Variants in AFF3 observed in about 807,000 individuals in gnomAD.
AFF3 encodes the protein AF4/FMR2 family member 3.
Under a neutral mutation model 129.7 loss-of-function variants are expected in AFF3, and 32 were observed. The observed-to-expected ratio is 0.25, with a 90% CI of 0.19 to 0.33. The LOEUF (loss-of-function observed/expected upper bound fraction) is 0.33. Ranked by LOEUF, AFF3 falls within the 10% of genes least tolerant of loss-of-function variation. AFF3 has a pLI of 1.00. For synonymous variants in AFF3, 644 were observed against 635.4 expected (o/e 1.01, Z -0.20); for missense variants, 1,373 against 1,592.0 (o/e 0.86, Z 2.34).
At position 99,546,928 on chromosome 2, in the gene AFF3, C is replaced by A. The variant is rs532695519; in HGVS notation, c.*4546G>T. On this transcript the variant is annotated 3_prime_UTR_variant, in exon 25 of 25. Transcript: ENST00000672756. ...GCTTCCTGTTGAGCCTTCACTGGGA[C>A]ACTGGGAGCGTGCATGTGCATACGT... 155 of 221,488 alleles carry A rather than the reference C, an allele frequency of 7.0e-4. No individual in the cohort carries two copies. The highest frequency in any genetic ancestry group is 3.7e-3 in the South Asian group (20 of 5,424). The allele number at this position is 221,488 out of a possible 1,614,324, so 13.7% of individuals were successfully genotyped here. A position where few individuals can be genotyped will look rare whatever the true frequency, so the allele number is the denominator to read the frequency against.
At chr2:99,727,395 G>A (rs1327079300) in intron 10 of AFF3, among the ~76,000 whole-genome samples, 1 of 152,152 alleles carries the variant, frequency 6.6e-6, no homozygotes, top group Non-Finnish European at 1.5e-5. Context: ...TTTGCCAGAA[G>A]ATGAATATCT....
At chr2:99,827,642 GAT>G (rs778161998) in intron 8 of AFF3, among the ~76,000 whole-genome samples, 109 of 148,034 alleles carry the variant, frequency 7.4e-4, no homozygotes, top group African/African-American at 1.4e-3. Flanking sequence ...TAGCACTGAA[GAT>G]ATATATATAT....
chr2:99,927,893 G>A (rs1242120219), intron 7 of AFF3, among the ~76,000 whole-genome samples: 2 of 152,108 alleles, frequency 1.3e-5, no homozygotes, highest in East Asian at 3.9e-4. Flanking sequence ...CCCACATGTG[G>A]TGGGAGGGAC....
intron 7 of AFF3, among the ~76,000 whole-genome samples, chr2:99,915,031 G>A (rs6727564): frequency 2.6e-5 from 4 of 152,124 alleles, no homozygotes; most frequent in Non-Finnish European, 5.9e-5. Flanking sequence ...GGCAGATCAG[G>A]CAGGGTAGGG....
intron 7 of AFF3, among the ~76,000 whole-genome samples, chr2:99,990,330 C>A (rs1680229764): frequency 6.6e-6 from 1 of 151,982 alleles, no homozygotes. Flanking sequence ...GGAATAAAAC[C>A]AAAAACCCAA....
chr2:99,546,806 G>C lies in AFF3; in HGVS notation c.*4668C>G. The C allele has an allele frequency of 4.7e-6, 1 of 214,624 alleles. No homozygotes were observed. The highest frequency in any genetic ancestry group is 2.3e-5 in the African/African-American group (1 of 44,324). 13.3% of individuals were successfully genotyped at this position (214,624 alleles called of 1,614,324 possible). A position where few individuals can be genotyped will look rare whatever the true frequency, so the allele number is the denominator to read the frequency against. On this transcript the variant is annotated 3_prime_UTR_variant, in exon 25 of 25. Coordinates refer to ENST00000672756, the MANE Select transcript of AFF3 (RefSeq NM_001386135.1). ...AGTTCCCTGACTGCACACAAGTCAG[G>C]GAACTAACTTGTGACACTAAAGAAT...
intron 14 of AFF3, among the ~76,000 whole-genome samples, chr2:99,597,398 T>A (rs1679397126): frequency 6.6e-6 from 1 of 152,260 alleles, no homozygotes; most frequent in Non-Finnish European, 1.5e-5. Flanking sequence ...TTGTTTCATG[T>A]GTATATATGT....
At chr2:99,948,179 C>T (rs1675817039) in intron 7 of AFF3, among the ~76,000 whole-genome samples, 2 of 152,202 alleles carry the variant, frequency 1.3e-5, no homozygotes, top group Admixed American at 1.3e-4. Context: ...AGGTCACCAT[C>T]TAGGGTGGGA....
chr2:99,744,531 C>A (rs946614219), intron 9 of AFF3, among the ~76,000 whole-genome samples: 3 of 152,174 alleles, frequency 2.0e-5, no homozygotes, highest in African/African-American at 7.2e-5. Flanking sequence ...TAAGCAGGGT[C>A]TCCCATACCC....
chr2:99,957,495 G>GT (rs1477671341), intron 7 of AFF3, among the ~76,000 whole-genome samples: 1 of 152,192 alleles, frequency 6.6e-6, no homozygotes, highest in East Asian at 1.9e-4. Flanking sequence ...GGGAGTCATT[G>GT]TATTTCTTTA....
chr2:99,595,915 CCCTTTGGGGCAGACTGGCACAG>C (rs1279772391), intron 14 of AFF3, among the ~76,000 whole-genome samples: 2 of 152,178 alleles, frequency 1.3e-5, no homozygotes, highest in African/African-American at 2.4e-5. Flanking sequence ...GGACCAACTG[CCCTTTGGGGCAGACTGGCACAG>C]GGTGTCTGGT....
intron 8 of AFF3, among the ~76,000 whole-genome samples, chr2:99,787,548 A>C (rs749448282): frequency 1.3e-5 from 2 of 152,328 alleles, no homozygotes; most frequent in African/African-American, 4.8e-5. Context: ...GACAGCATAC[A>C]TCTCTGTTTT....
intron 7 of AFF3, among the ~76,000 whole-genome samples, chr2:99,974,527 G>A (rs912848712): frequency 2.0e-5 from 3 of 152,162 alleles, no homozygotes; most frequent in Admixed American, 6.5e-5. Context: ...ATGAGTAATC[G>A]CTGCAGTGAT....
chr2:100,007,459 G>A lies in AFF3; in HGVS notation c.176C>T (p.Thr59Ile). ...SYSLFSEPYK[T>I]NKGDELSNRI... ...GTTGGAGAGTTCATCCCCCTTGTTAGTCTGGAGAAAGAAAAACACATCCAC... is the reference window on the plus strand; with the variant it reads ...GTTGGAGAGTTCATCCCCCTTGTTAATCTGGAGAAAGAAAAACACATCCAC... Residue 59 changes from threonine (T) to isoleucine (I), a missense_variant and splice_region_variant, in exon 6 of 25, where the codon ACT becomes ATT. Thr to Ile is a moderately conservative substitution (Grantham distance 89). Transcript: ENST00000672756. 6.2e-7 allele frequency: 1 copy of A among 1,609,668 alleles called. No homozygotes were observed. The highest frequency in any genetic ancestry group is 8.5e-7 in the Non-Finnish European group (1 of 1,177,566).
chr2:99,643,323 G>A (rs1166725211), intron 13 of AFF3, among the ~76,000 whole-genome samples: 1 of 152,134 alleles, frequency 6.6e-6, no homozygotes, highest in African/African-American at 2.4e-5. Flanking sequence ...CTCCCAAAGT[G>A]CTGGGATTAC....
At chr2:99,801,252 C>A (rs1685924195) in intron 8 of AFF3, among the ~76,000 whole-genome samples, 1 of 152,162 alleles carries the variant, frequency 6.6e-6, no homozygotes, top group Admixed American at 6.5e-5. Flanking sequence ...AGGTTTCTTT[C>A]ATCAACATCA....
chr2:99,799,739 A>G (rs1685797192), intron 8 of AFF3, among the ~76,000 whole-genome samples: 1 of 152,186 alleles, frequency 6.6e-6, no homozygotes, highest in Non-Finnish European at 1.5e-5. Flanking sequence ...TGACCAAGAC[A>G]GTGTGATACC....
intron 11 of AFF3, among the ~76,000 whole-genome samples, chr2:99,688,078 G>A (rs904384386): frequency 6.6e-6 from 1 of 152,074 alleles, no homozygotes; most frequent in Non-Finnish European, 1.5e-5. Context: ...TCCTGACCTC[G>A]TGATCCGCCC....
At chr2:99,652,127 A>C (rs1685316011) in intron 12 of AFF3, among the ~76,000 whole-genome samples, 1 of 152,208 alleles carries the variant, frequency 6.6e-6, no homozygotes, top group East Asian at 1.9e-4. Context: ...TAGAGGGATG[A>C]ATCAGTCAGG....
Sources: gnomAD v4.1 joint callset for allele counts (sites outside exome capture counted in the v4.1 genomes callset) on GRCh38, gnomAD v4.1.1 for gene constraint, MANE v1.5 for transcripts, NCBI Gene and HGNC (gene_info 2026-07-23, HGNC 2026-07-21) for gene names.